The following TMEM63C variants were observed in gnomAD, a reference collection of about 807,000 sequenced individuals.
TMEM63C encodes the protein osmosensitive cation channel TMEM63C.
Under a neutral mutation model 99.2 loss-of-function variants are expected in TMEM63C, and 32 were observed. That is an observed-to-expected ratio of 0.32 (90% CI 0.24 to 0.43). The LOEUF (loss-of-function observed/expected upper bound fraction) is 0.43. TMEM63C is among the 20% of genes least tolerant of loss of function. The probability of loss-of-function intolerance (pLI) is 1.00; values close to 1 mark genes in which losing one functional copy is unlikely to be tolerated. For missense variants in TMEM63C, 826 were observed against 1,053.0 expected, an observed-to-expected ratio of 0.78 and a Z score of 2.98; for synonymous variants, 376 against 397.9, an observed-to-expected ratio of 0.94 and a Z score of 0.66.
chr14:77,201,231 G>A (rs1035079664), intron 1 of TMEM63C: 3 of 152,212 alleles, frequency 2.0e-5, no homozygotes, highest in African/African-American at 7.2e-5. Context: ...CTTGAACAGA[G>A]CTCCAGAGTG....
In TMEM63C at chr14:77,244,417, T is replaced by G; in HGVS notation, c.1410T>G (p.Ile470Met). The change falls in exon 16 of 24, where the codon ATT (isoleucine) becomes ATG (methionine). Residue 470 changes from isoleucine to methionine, a missense_variant. Ile to Met is a conservative substitution (Grantham distance 10). Transcript: ENST00000298351. ...LWGFTVILPLIVYFSAFLEAH... is the reference protein window; with the variant it reads ...LWGFTVILPLMVYFSAFLEAH... Reference sequence around the variant, plus strand: ...GCTTCACAGTGATACTGCCTCTGATTGTCTACTTCTCCGCCTTCCTCGAGG... The same window carrying G: ...GCTTCACAGTGATACTGCCTCTGATGGTCTACTTCTCCGCCTTCCTCGAGG... 2 of 1,613,942 alleles carry G rather than the reference T, an allele frequency of 1.2e-6. No homozygotes were observed. Among genetic ancestry groups the G allele is most frequent in the Non-Finnish European group, 8.5e-7 (1 of 1,179,878 alleles).
At position 77,181,912 on chromosome 14, in the gene TMEM63C, C is replaced by A. The variant is rs1005826285; in HGVS notation, c.-77+18C>A. The A allele has an allele frequency of 6.6e-6, 1 of 152,102 alleles. No individual in the cohort carries two copies. Among genetic ancestry groups the A allele is most frequent in the Non-Finnish European group, 1.5e-5 (1 of 68,082 alleles). 9.4% of individuals were successfully genotyped at this position (152,102 alleles called of 1,614,324 possible). The stretch of plus-strand genomic sequence containing the variant: ...ACGCAAATGTGGTGAGCACGCGATG[C>A]GGGTGCGGTGACCGGGGCTGGTCGG... On this transcript the variant is annotated intron_variant, in intron 1 of 23. Coordinates refer to ENST00000298351, the MANE Select transcript of TMEM63C (RefSeq NM_020431.4).
At chr14:77,219,476 C>T in intron 3 of TMEM63C, 22 bp from the exon 4 acceptor site, 5 of 1,613,516 alleles carry the variant, frequency 3.1e-6, no homozygotes, top group Non-Finnish European at 3.4e-6. Flanking sequence ...TCCCACCCCA[C>T]ATTGCTTTTC....
intron 21 of TMEM63C, among the ~76,000 whole-genome samples, chr14:77,250,028 TCTCA>T (rs960527252): frequency 1.2e-4 from 19 of 152,068 alleles, no homozygotes; most frequent in African/African-American, 4.6e-4. Context: ...AGAGATGAGG[TCTCA>T]CTATGTTGCC....
rs551793991 is a variant in TMEM63C, at chr14:77,204,608, G to C, written c.-76-8838G>C. On this transcript the variant is annotated intron_variant, in intron 1 of 23. Coordinates refer to ENST00000298351, the MANE Select transcript of TMEM63C (RefSeq NM_020431.4). ...ACACAGCCAAGGGCTCTGTTGTCAAGGAGCTTCCCTTTGCGGGGAGGTGTG... is the reference window on the plus strand; with the variant it reads ...ACACAGCCAAGGGCTCTGTTGTCAACGAGCTTCCCTTTGCGGGGAGGTGTG... Among the ~76,000 whole-genome samples the C allele has an allele frequency of 2.0e-5, 3 of 152,352 alleles. No individual in the cohort carries two copies. In the South Asian group the frequency reaches 6.2e-4, roughly 32 times the overall value.
At chr14:77,218,495 C>T (rs1888632857) in intron 2 of TMEM63C, among the ~76,000 whole-genome samples, 1 of 152,224 alleles carries the variant, frequency 6.6e-6, no homozygotes, top group African/African-American at 2.4e-5. Context: ...CAAGGTAGAA[C>T]TGGAAAAATG....
At position 77,204,044 on chromosome 14, in the gene TMEM63C, G is replaced by A. The variant is rs892135016; in HGVS notation, c.-76-9402G>A. ...GGAGGGAGAACCATGCTGGCTGCCTGCCGGCATCTTAGCCCAGGGGCCCTG... is the reference window on the plus strand; with the variant it reads ...GGAGGGAGAACCATGCTGGCTGCCTACCGGCATCTTAGCCCAGGGGCCCTG... On this transcript the variant is annotated intron_variant, in intron 1 of 23. Coordinates refer to ENST00000298351, the MANE Select transcript of TMEM63C (RefSeq NM_020431.4). Among the ~76,000 whole-genome samples the A allele has an allele frequency of 2.1e-4, 32 of 152,256 alleles. 1 individual carries two copies. The highest frequency in any genetic ancestry group is 2.9e-5 in the Non-Finnish European group (2 of 68,048).
intron 23 of TMEM63C, among the ~76,000 whole-genome samples, chr14:77,255,126 G>A (rs1451613912): frequency 6.6e-6 from 1 of 152,144 alleles, no homozygotes; most frequent in African/African-American, 2.4e-5. Context: ...GAGTAGCTGG[G>A]ATTACAGGCA....
At chr14:77,242,810 C>T in intron 14 of TMEM63C, 93 bp from the exon 15 acceptor site, 1 of 1,469,508 alleles carries the variant, frequency 6.8e-7, no homozygotes, top group Non-Finnish European at 9.4e-7. Context: ...TAGACCAGGG[C>T]AGGCTGGGTC....
chr14:77,184,642 C>T (rs939370672), intron 1 of TMEM63C, among the ~76,000 whole-genome samples: 1 of 152,208 alleles, frequency 6.6e-6, no homozygotes, highest in Non-Finnish European at 1.5e-5. Flanking sequence ...GTGAGATCAG[C>T]AGCTTTTAGT....
intron 6 of TMEM63C, among the ~76,000 whole-genome samples, chr14:77,227,072 C>A (rs1319992596): frequency 6.6e-6 from 1 of 152,158 alleles, no homozygotes; most frequent in Non-Finnish European, 1.5e-5. Context: ...TGGGCCTCAG[C>A]TGGGACCTTG....
At chr14:77,251,931 T>C (rs1889368548) in intron 22 of TMEM63C, 33 bp downstream of exon 22, 1 of 1,532,730 alleles carries the variant, frequency 6.5e-7, no homozygotes, top group East Asian at 2.2e-5. Flanking sequence ...CTCCTGGTTC[T>C]CTTGGTCCCT....
chr14:77,230,340 T>C (rs1888916317), intron 6 of TMEM63C, among the ~76,000 whole-genome samples: 1 of 149,022 alleles, frequency 6.7e-6, no homozygotes, highest in African/African-American at 2.4e-5. Flanking sequence ...CCATTCTAAC[T>C]CTATAGCTCA....
At chr14:77,243,985 G>A (rs1371383535) in intron 15 of TMEM63C, among the ~76,000 whole-genome samples, 1 of 152,136 alleles carries the variant, frequency 6.6e-6, no homozygotes, top group Admixed American at 6.5e-5. Flanking sequence ...CATCCTGGGA[G>A]GGCCACAGCT....
intron 21 of TMEM63C, 24 bp from the exon 22 acceptor site, chr14:77,251,765 A>G: frequency 6.3e-7 from 1 of 1,599,614 alleles, no homozygotes; most frequent in Non-Finnish European, 8.6e-7. Context: ...ACTCCTGCCC[A>G]TGACTTTTTC....
intron 9 of TMEM63C, among the ~76,000 whole-genome samples, chr14:77,237,274 C>T (rs1451305247): frequency 6.6e-6 from 1 of 152,120 alleles, no homozygotes; most frequent in Non-Finnish European, 1.5e-5. Flanking sequence ...GTACCTGGCC[C>T]TGCCCACCCC....
chr14:77,228,215 A>G (rs74598060), intron 6 of TMEM63C, among the ~76,000 whole-genome samples: 2,822 of 152,214 alleles, frequency 0.019, 80 homozygotes, highest in African/African-American at 0.064. Flanking sequence ...GAGAAAGGAA[A>G]CAGGCCTAGT....
At chr14:77,246,082 C>T in intron 17 of TMEM63C, 56 bp downstream of exon 17, 1 of 1,368,138 alleles carries the variant, frequency 7.3e-7, no homozygotes, top group South Asian at 1.2e-5. Flanking sequence ...AGAGTTAAGA[C>T]CTCCTCTTTC....
At chr14:77,185,923 A>C (rs1432850919) in intron 1 of TMEM63C, among the ~76,000 whole-genome samples, 1 of 152,034 alleles carries the variant, frequency 6.6e-6, no homozygotes, top group East Asian at 1.9e-4. Flanking sequence ...CCTGGTGACC[A>C]GGAGTCCCCT....
Sources: allele counts gnomAD v4.1 joint callset (sites outside exome capture counted in the v4.1 genomes callset), GRCh38; gene constraint gnomAD v4.1.1; transcripts MANE v1.5; gene names NCBI Gene and HGNC (gene_info 2026-07-23, HGNC 2026-07-21).